Variants in A2ML1 observed in about 807,000 individuals in gnomAD.
A2ML1 encodes the protein alpha-2-macroglobulin like 1, also known as alpha-2-macroglobulin-like protein 1.
In A2ML1, 161 loss-of-function variants were observed where a neutral mutation model predicts 181.9. The ratio of observed to expected loss-of-function variants is 0.89; its 90% CI spans 0.78 to 1.01. A2ML1 has a LOEUF of 1.01. Among genes scored for constraint, A2ML1 ranks in the 50% least tolerant of loss-of-function variants. The pLI, the probability that A2ML1 is intolerant of heterozygous loss-of-function variation, is 0.00. For synonymous variants in A2ML1, 663 were observed against 666.8 expected, an observed-to-expected ratio of 0.99 and a Z score of 0.09; for missense variants, 1,670 against 1,768.1, an observed-to-expected ratio of 0.94 and a Z score of 1.00.
chr12:8,827,062 T>C (rs915305269), intron 3 of A2ML1, among the ~76,000 whole-genome samples: 3 of 152,120 alleles, frequency 2.0e-5, no homozygotes, highest in Admixed American at 6.6e-5. Context: ...CTTTCTCAGC[T>C]GGGCTCAGTG....
intron 9 of A2ML1, among the ~76,000 whole-genome samples, 179 bp downstream of exon 9, chr12:8,838,629 C>T (rs191308401): frequency 9.2e-5 from 14 of 152,014 alleles, no homozygotes; most frequent in East Asian, 3.9e-4. Flanking sequence ...AGAAATACTA[C>T]GGGCCGGGCA....
chr12:8,885,305 G>C (rs778304543), intron 7 of A2ML1, among the ~76,000 whole-genome samples: 4 of 152,192 alleles, frequency 2.6e-5, no homozygotes, highest in African/African-American at 7.2e-5. Context: ...TAGCACTTTG[G>C]GAGGTTGAGG....
At chr12:8,828,671 G>A (rs1333864790) in intron 3 of A2ML1, among the ~76,000 whole-genome samples, 1 of 152,216 alleles carries the variant, frequency 6.6e-6, no homozygotes, top group Admixed American at 6.5e-5. Context: ...CAAGTAGAAG[G>A]AGTCTCTCCC....
At chr12:8,853,019 A>G (rs935703625) in intron 20 of A2ML1, among the ~76,000 whole-genome samples, 4 of 151,910 alleles carry the variant, frequency 2.6e-5, no homozygotes, top group Non-Finnish European at 5.9e-5. Context: ...TAGAGAGACA[A>G]GATCTTACTC....
chr12:8,857,789 C>T (rs376745134), intron 25 of A2ML1, 157 bp from the exon 26 acceptor site: 1 of 1,164,270 alleles, frequency 8.6e-7, no homozygotes, highest in African/African-American at 1.5e-5. Context: ...TTCTTGTCCT[C>T]ATTGGTGCCC....
chr12:8,878,919 C>T (rs1944841254), downstream of A2ML1, among the ~76,000 whole-genome samples: 1 of 152,056 alleles, frequency 6.6e-6, no homozygotes, highest in African/African-American at 2.4e-5. This position sits in a 1 kb window ranked among gnomAD's most constrained non-coding sequence, Gnocchi z 4.4. Context: ...GCCTAGTTTG[C>T]ACCACTGCAC....
intron 12 of A2ML1, among the ~76,000 whole-genome samples, chr12:8,844,215 G>A (rs1943589639): frequency 6.6e-6 from 1 of 151,256 alleles, no homozygotes; most frequent in Non-Finnish European, 1.5e-5. Context: ...AACAAAACCA[G>A]CTGGGTGGTT....
intron 3 of A2ML1, among the ~76,000 whole-genome samples, chr12:8,827,509 T>C (rs1394401361): frequency 6.6e-6 from 1 of 152,216 alleles, no homozygotes; most frequent in Non-Finnish European, 1.5e-5. Flanking sequence ...TTTCTCTGTG[T>C]TATCTAAAAT....
chr12:8,868,572 T>C lies in A2ML1; in HGVS notation c.4097T>C (p.Ile1366Thr), dbSNP rs886041924. Residue 1366 changes from isoleucine (I) to threonine (T), a missense_variant, in exon 32 of 36, where the codon ATT (isoleucine) becomes ACT (threonine). Coordinates refer to ENST00000299698, the MANE Select transcript of A2ML1 (RefSeq NM_144670.6). ...VGSRSSSNMA[I>T]VEVKMLSGFS... ...AGCCGTAGCTCTTCCAATATGGCTA[T>C]TGTGGAAGTGAAGATGCTATCTGGG... is the stretch of plus-strand genomic sequence containing the variant. The C allele has an allele frequency of 1.9e-6, 3 of 1,613,914 alleles. No homozygotes were observed. The highest frequency in any genetic ancestry group is 2.7e-5 in the African/African-American group (2 of 74,880).
chr12:8,839,296 G>A (rs117311289), intron 10 of A2ML1, 74 bp downstream of exon 10: 12 of 1,000,064 alleles, frequency 1.2e-5, no homozygotes, highest in Non-Finnish European at 1.7e-5. Flanking sequence ...TGCAGCCATA[G>A]CCACATAGCT....
chr12:8,841,461 G>A lies in A2ML1; in HGVS notation c.1173G>A (p.Leu391=), dbSNP rs75353365. The stretch of plus-strand genomic sequence containing the variant: ...CAAATGGAACCTTCAACCAGACCCT[G>A]GTTACTGATAACAATGGCCTAGCTC... ...YGTNGTFNQT[L]VTDNNGLAPF... The change falls in exon 11 of 36, where the codon CTG becomes CTA. Residue 391 remains leucine, a synonymous_variant. Transcript: ENST00000299698. 4.3e-6 allele frequency: 7 copies of A among 1,614,076 alleles called. No individual in the cohort carries two copies. Among genetic ancestry groups the A allele is most frequent in the Non-Finnish European group, 5.1e-6 (6 of 1,180,026 alleles).
chr12:8,862,955 T>C (rs1944315602), intron 28 of A2ML1, among the ~76,000 whole-genome samples: 1 of 152,218 alleles, frequency 6.6e-6, no homozygotes, highest in African/African-American at 2.4e-5. Flanking sequence ...ATCTGTCATC[T>C]TGGCTGTCAC....
At chr12:8,881,955 G>A (rs1042108081) in intron 7 of A2ML1, among the ~76,000 whole-genome samples, 3 of 151,804 alleles carry the variant, frequency 2.0e-5, no homozygotes, top group African/African-American at 7.3e-5. Context: ...AGCTTGCAGT[G>A]AGCCGAGATT....
intron 15 of A2ML1, among the ~76,000 whole-genome samples, chr12:8,848,154 C>CA (rs1441133176): frequency 6.8e-6 from 1 of 146,520 alleles, no homozygotes; most frequent in Non-Finnish European, 1.5e-5. Context: ...AAAACAAAAA[C>CA]AAAAAAAGAA....
At chr12:8,850,351 T>A in intron 18 of A2ML1, 77 bp downstream of exon 18, 8 of 1,112,096 alleles carry the variant, frequency 7.2e-6, no homozygotes, top group South Asian at 4.8e-5. Context: ...TTGGGAGGCT[T>A]AGGAGGGAGG....
rs140317839 is a variant in A2ML1, at chr12:8,868,483, G to A, written c.4062-54G>A. The A allele has an allele frequency of 9.3e-5, 148 of 1,595,266 alleles. 1 individual carries two copies. The African/African-American group carries it at 1.3e-3, about 14-fold the overall frequency. On this transcript the variant is annotated intron_variant, in intron 31 of 35. Coordinates refer to ENST00000299698, the MANE Select transcript of A2ML1 (RefSeq NM_144670.6). ...GTGTGTGTGTGTGTGTGTTGGGGAT[G>A]CAGAGTGCACTGAAGTAATAGGCTC...
chr12:8,859,899 C>G (rs1159392580), intron 26 of A2ML1, among the ~76,000 whole-genome samples: 1 of 152,086 alleles, frequency 6.6e-6, no homozygotes, highest in Non-Finnish European at 1.5e-5. Context: ...CAGGCCAGTC[C>G]ATTGAGAAAT....
intron 26 of A2ML1, 71 bp downstream of exon 26, chr12:8,858,173 G>A: frequency 1.3e-6 from 2 of 1,518,734 alleles, no homozygotes; most frequent in Non-Finnish European, 8.8e-7. Flanking sequence ...CCGAGTAGAA[G>A]CAAAAGAGCA....
intron 6 of A2ML1, among the ~76,000 whole-genome samples, 163 bp from the exon 7 acceptor site, chr12:8,836,092 C>T (rs1284371610): frequency 2.0e-5 from 3 of 151,376 alleles, no homozygotes; most frequent in Admixed American, 6.6e-5. Context: ...ATTTTTGAAT[C>T]GATGCTGAAC....
Sources: gnomAD v4.1 joint callset for allele counts (sites outside exome capture counted in the v4.1 genomes callset) on GRCh38, gnomAD v4.1.1 for gene constraint, Gnocchi (gnomAD v3.1) non-coding constraint, MANE v1.5 for transcripts, NCBI Gene and HGNC (gene_info 2026-07-23, HGNC 2026-07-21) for gene names.